TPD52: variants seen among roughly 807,000 people sequenced by gnomAD.
TPD52 encodes the protein tumor protein D52.
A neutral mutation model predicts 31.3 loss-of-function variants in TPD52; 17 were observed. The ratio of observed to expected loss-of-function variants is 0.54; its 90% CI spans 0.37 to 0.82. The LOEUF is 0.82. TPD52 is among the 40% of genes least tolerant of loss of function. TPD52 has a pLI of 0.00. For synonymous variants in TPD52, 83 were observed against 89.6 expected, an observed-to-expected ratio of 0.93 and a Z score of 0.42; for missense variants, 212 against 240.1, an observed-to-expected ratio of 0.88 and a Z score of 0.77.
At chr8:80,047,800 A>G (rs1442945767) in intron 5 of TPD52, among the ~76,000 whole-genome samples, 1 of 152,222 alleles carries the variant, frequency 6.6e-6, no homozygotes, top group Non-Finnish European at 1.5e-5. Context: ...GCCCAAACCA[A>G]ATAAATATCT....
At chr8:80,048,123 A>C (rs887289162) in intron 5 of TPD52, among the ~76,000 whole-genome samples, 12 of 152,192 alleles carry the variant, frequency 7.9e-5, no homozygotes, top group African/African-American at 2.7e-4. Flanking sequence ...GCTGCCCCAG[A>C]GGGCCTCCCA....
intron 1 of TPD52, among the ~76,000 whole-genome samples, chr8:80,163,215 A>G (rs1264528891): frequency 6.6e-6 from 1 of 152,230 alleles, no homozygotes; most frequent in Admixed American, 6.5e-5. Context: ...CAAGATGTGG[A>G]AGCAACCTTA....
chr8:80,100,437 C>G (rs1806648659), intron 1 of TPD52, among the ~76,000 whole-genome samples: 1 of 152,332 alleles, frequency 6.6e-6, no homozygotes. Context: ...CAGCATTTCT[C>G]TCTAAAAACC....
Position 80,139,970 on chromosome 8 carries a change from A to C in TPD52, c.19+31455T>G, listed in dbSNP as rs144177374. Among the ~76,000 whole-genome samples, 1,137 of 152,330 alleles carry C rather than the reference A, an allele frequency of 7.5e-3. 10 individuals are homozygous for C. Among genetic ancestry groups the C allele is most frequent in the African/African-American group, 0.025 (1,057 of 41,566 alleles). On this transcript the variant is annotated intron_variant, in intron 1 of 7. Transcript: ENST00000518937. ...TCAATCCAGCAGGCTCCATGTTAGC[A>C]GTAAGCAACTCTAATTTCATATCTG...
intron 5 of TPD52, among the ~76,000 whole-genome samples, chr8:80,047,205 C>G (rs1464987007): frequency 6.6e-6 from 1 of 152,184 alleles, no homozygotes; most frequent in Non-Finnish European, 1.5e-5. Flanking sequence ...GGTTCCAGTC[C>G]TGACCATCAG....
At chr8:80,165,471 C>CA (rs1423365342) in intron 1 of TPD52, among the ~76,000 whole-genome samples, 2 of 152,166 alleles carry the variant, frequency 1.3e-5, no homozygotes, top group African/African-American at 4.8e-5. Context: ...TCCACTTTAG[C>CA]ATGCTGATTA....
intron 1 of TPD52, among the ~76,000 whole-genome samples, chr8:80,123,635 G>A (rs1808407628): frequency 2.6e-5 from 4 of 152,254 alleles, no homozygotes; most frequent in Admixed American, 2.0e-4. Context: ...TGCGTGGGCA[G>A]TTGGAAATAA....
intron 7 of TPD52, among the ~76,000 whole-genome samples, chr8:80,041,125 C>T (rs1810341473): frequency 6.6e-6 from 1 of 152,086 alleles, no homozygotes; most frequent in African/African-American, 2.4e-5. Flanking sequence ...AAACATCACA[C>T]ACCAAGGCGC....
At chr8:80,125,433 C>G (rs1416290948) in intron 1 of TPD52, among the ~76,000 whole-genome samples, 1 of 152,078 alleles carries the variant, frequency 6.6e-6, no homozygotes. Flanking sequence ...AACAAACAAA[C>G]AAACAAACAT....
At chr8:80,099,929 A>G (rs1047254768) in intron 1 of TPD52, among the ~76,000 whole-genome samples, 10 of 152,216 alleles carry the variant, frequency 6.6e-5, no homozygotes, top group Non-Finnish European at 2.9e-5. Context: ...ATTTGGTGAA[A>G]ACAGCCTATC....
At chr8:80,089,705 A>AT (rs1816107954) in intron 1 of TPD52, among the ~76,000 whole-genome samples, 1 of 152,250 alleles carries the variant, frequency 6.6e-6, no homozygotes, top group African/African-American at 2.4e-5. Flanking sequence ...AACCCTTACT[A>AT]TGTGCCAGAC....
chr8:80,051,922 C>G, intron 3 of TPD52: 1 of 290,790 alleles, frequency 3.4e-6, no homozygotes. Context: ...ATCATCAAAC[C>G]AAGATGAAAA....
intron 1 of TPD52, among the ~76,000 whole-genome samples, chr8:80,160,889 C>CAAAAAAAAA (rs58923055): frequency 1.6e-3 from 156 of 94,944 alleles, no homozygotes; most frequent in Non-Finnish European, 1.9e-3. Context: ...ACTAAAAATA[C>CAAAAAAAAA]AAAAAAAAAA....
chr8:80,138,298 T>C (rs1809581861), intron 1 of TPD52, among the ~76,000 whole-genome samples: 1 of 152,178 alleles, frequency 6.6e-6, no homozygotes, highest in Admixed American at 6.5e-5. Context: ...AAGGTACCTG[T>C]GTTTGACAAT....
chr8:80,069,629 A>G (rs1042199596), intron 1 of TPD52, among the ~76,000 whole-genome samples: 2 of 152,088 alleles, frequency 1.3e-5, no homozygotes, highest in Admixed American at 1.3e-4. Context: ...CATCTCTACT[A>G]AAAATAATTT....
chr8:80,127,110 CA>C (rs111448600), intron 1 of TPD52, among the ~76,000 whole-genome samples: 127 of 133,976 alleles, frequency 9.5e-4, no homozygotes, highest in Middle Eastern at 3.9e-3. Context: ...GATGATGTCT[CA>C]AAAAAAAAAA....
chr8:80,142,111 C>T (rs1377828143), intron 1 of TPD52, among the ~76,000 whole-genome samples: 5 of 152,026 alleles, frequency 3.3e-5, no homozygotes, highest in Non-Finnish European at 5.9e-5. Flanking sequence ...TCTCACTCAC[C>T]AGCATCACTT....
At chr8:80,102,191 G>A (rs1806793879) in intron 1 of TPD52, among the ~76,000 whole-genome samples, 1 of 152,192 alleles carries the variant, frequency 6.6e-6, no homozygotes, top group Non-Finnish European at 1.5e-5. Flanking sequence ...AGTGGTTCTG[G>A]CTCCGGATTT....
At chr8:80,160,756 C>A (rs1811288613) in intron 1 of TPD52, among the ~76,000 whole-genome samples, 1 of 151,968 alleles carries the variant, frequency 6.6e-6, no homozygotes. Context: ...AAGTAAATAA[C>A]TGGCTGGACA....
Sources: gnomAD v4.1 joint callset for allele counts (sites outside exome capture counted in the v4.1 genomes callset) on GRCh38, gnomAD v4.1.1 for gene constraint, MANE v1.5 for transcripts, NCBI Gene and HGNC (gene_info 2026-07-23, HGNC 2026-07-21) for gene names.